The following SHANK2 variants were observed in gnomAD, a reference collection of about 807,000 sequenced individuals.
The protein encoded by SHANK2 is SH3 and multiple ankyrin repeat domains protein 2.
SHANK2 carries 43 observed loss-of-function variants against 133.7 expected under a neutral mutation model. The observed-to-expected ratio is 0.32, with a 90% CI of 0.25 to 0.41. The LOEUF (loss-of-function observed/expected upper bound fraction) is 0.41. Ranked by LOEUF, SHANK2 falls within the 10% of genes least tolerant of loss-of-function variation. The pLI is 1.00. For synonymous variants in SHANK2, 1,017 were observed against 952.8 expected (o/e 1.07, Z -1.24); for missense variants, 1,994 against 2,235.8 (o/e 0.89, Z 2.18).
At chr11:70,509,331 T>C (rs782721348) in intron 17 of SHANK2, among the ~76,000 whole-genome samples, 1 of 152,234 alleles carries the variant, frequency 6.6e-6, no homozygotes, top group Non-Finnish European at 1.5e-5. Flanking sequence ...CAGACACTGA[T>C]TGGGCCACAG....
chr11:70,841,185 C>T (rs1400539730), intron 11 of SHANK2, among the ~76,000 whole-genome samples: 1 of 152,152 alleles, frequency 6.6e-6, no homozygotes, highest in Non-Finnish European at 1.5e-5. Context: ...GCAGGAGAAT[C>T]GCTTGAACCT....
intron 13 of SHANK2, among the ~76,000 whole-genome samples, chr11:70,800,024 GTTT>G (rs552326536): frequency 3.4e-5 from 5 of 148,200 alleles, no homozygotes; most frequent in Non-Finnish European, 7.5e-5. Flanking sequence ...ATATCTTAGG[GTTT>G]TTTTTTTGTT....
chr11:71,094,473 G>A, intron 7 of SHANK2, 64 bp downstream of exon 7: 1 of 1,491,286 alleles, frequency 6.7e-7, no homozygotes, highest in South Asian at 1.3e-5. Flanking sequence ...GCGGGGATGG[G>A]ATGGGGCAGC....
chr11:71,152,142 T>C (rs1354570247), intron 2 of SHANK2, among the ~76,000 whole-genome samples: 1 of 152,182 alleles, frequency 6.6e-6, no homozygotes, highest in Non-Finnish European at 1.5e-5. Context: ...AGACGGAGTC[T>C]CACTCTGTCG....
chr11:70,700,978 G>C (rs1014259011), intron 14 of SHANK2, among the ~76,000 whole-genome samples: 2 of 152,224 alleles, frequency 1.3e-5, no homozygotes, highest in African/African-American at 4.8e-5. Flanking sequence ...CACAGGGACT[G>C]GCTGTTAATT....
chr11:70,749,259 C>T (rs1206272101), intron 14 of SHANK2, among the ~76,000 whole-genome samples: 1 of 152,162 alleles, frequency 6.6e-6, no homozygotes, highest in Admixed American at 6.5e-5. Flanking sequence ...AAGGGAGTCC[C>T]CAGTTCTGGG....
intron 14 of SHANK2, among the ~76,000 whole-genome samples, chr11:70,790,711 T>C (rs1040753204): frequency 6.6e-6 from 1 of 152,184 alleles, no homozygotes; most frequent in East Asian, 1.9e-4. Context: ...TCTACATCTG[T>C]GTCTACGTCC....
At chr11:70,864,036 C>T (rs781797477) in intron 11 of SHANK2, 46 of 364,038 alleles carry the variant, frequency 1.3e-4, no homozygotes, top group Non-Finnish European at 2.3e-4. Flanking sequence ...CCTGGCCCCT[C>T]AGTCTCTACG....
intron 17 of SHANK2, among the ~76,000 whole-genome samples, chr11:70,628,458 T>A (rs980950435): frequency 1.3e-5 from 2 of 152,218 alleles, no homozygotes; most frequent in African/African-American, 2.4e-5. Flanking sequence ...AAAGTAAGCA[T>A]AGTCACTACT....
chr11:70,942,260 C>T (rs1171748560), intron 10 of SHANK2, among the ~76,000 whole-genome samples: 4 of 152,128 alleles, frequency 2.6e-5, no homozygotes, highest in East Asian at 3.9e-4. Flanking sequence ...TCAAGGGCAT[C>T]GCCTTGGCTT....
intron 10 of SHANK2, among the ~76,000 whole-genome samples, chr11:70,952,223 G>A (rs913229793): frequency 4.6e-5 from 7 of 152,154 alleles, no homozygotes; most frequent in Admixed American, 1.3e-4. Flanking sequence ...AGAGTGGGCC[G>A]GTTTCCTTGG....
rs141293538 is a variant in SHANK2 at position 70,729,831 on chromosome 11, C to T, written c.1778-31068G>A. ...TACAGGCTTGAGCCACCGTGCTTGG[C>T]CTGCACTGTGTACTTTAAAAATGGG... On this transcript the variant is annotated intron_variant, in intron 14 of 25. Transcript: ENST00000601538. Among the ~76,000 whole-genome samples the T allele has an allele frequency of 1.1e-4, 17 of 151,074 alleles. No individual in the cohort carries two copies. In the East Asian group the frequency reaches 3.3e-3, roughly 29 times the overall value.
rs2059057612 is a variant in SHANK2 at position 70,501,803 on chromosome 11, G to C, written c.2287+120C>G. ...GATCCCCGGAGGATGGAGCCTTCTGGTCTGAGCCACGTGGGGAGCAGCTCA... is the reference window on the plus strand; with the variant it reads ...GATCCCCGGAGGATGGAGCCTTCTGCTCTGAGCCACGTGGGGAGCAGCTCA... On this transcript the variant is annotated intron_variant, in intron 20 of 25. Transcript: ENST00000601538. 2.9e-6 allele frequency: 3 copies of C among 1,040,764 alleles called. No individual in the cohort carries two copies. The Admixed American group carries it at 6.3e-5, about 22-fold the overall frequency. 64.5% of individuals were successfully genotyped at this position (1,040,764 alleles called of 1,614,324 possible). A position where few individuals can be genotyped will look rare whatever the true frequency, so the allele number is the denominator to read the frequency against.
chr11:70,735,703 CAAA>C lies in SHANK2; in HGVS notation c.1778-36943_1778-36941del, dbSNP rs5792532. Among the ~76,000 whole-genome samples the C allele has an allele frequency of 9.9e-4, 106 of 107,108 alleles. 1 individual carries two copies. Among genetic ancestry groups the C allele is most frequent in the Middle Eastern group, 0.011 (2 of 174 alleles). The allele number at this position is 107,108 out of a possible 152,430, so 70.3% of individuals were successfully genotyped here. A position where few individuals can be genotyped will look rare whatever the true frequency, so the allele number is the denominator to read the frequency against. On this transcript the variant is annotated intron_variant, in intron 14 of 25. Coordinates refer to ENST00000601538, the MANE Select transcript of SHANK2 (RefSeq NM_012309.5). ...TGGGTGACAGGGTGAGACTCTGTCT[CAAA>C]AAAAAAAAAAAAAATGTGCAGAGGG...
chr11:70,661,932 G>A (rs992720147), intron 15 of SHANK2: 13 of 922,496 alleles, frequency 1.4e-5, no homozygotes, highest in Non-Finnish European at 2.0e-5. Context: ...CCAGCCGGAG[G>A]AAGGAGTCAT....
intron 17 of SHANK2, among the ~76,000 whole-genome samples, chr11:70,613,763 GTTTTT>G (rs57180024): frequency 8.1e-6 from 1 of 123,776 alleles, no homozygotes; most frequent in African/African-American, 3.1e-5. Flanking sequence ...AGGGGAACTT[GTTTTT>G]TTTTTTTTTT....
intron 10 of SHANK2, among the ~76,000 whole-genome samples, chr11:70,898,282 G>GCGCACACA (rs1555076083): frequency 1.5e-5 from 2 of 135,422 alleles, no homozygotes; most frequent in African/African-American, 2.8e-5. Flanking sequence ...ATACACACAC[G>GCGCACACA]CACACACACA....
chr11:70,693,137 C>G (rs1555021453), intron 15 of SHANK2, among the ~76,000 whole-genome samples: 3 of 152,204 alleles, frequency 2.0e-5, no homozygotes, highest in Non-Finnish European at 4.4e-5. Flanking sequence ...CCTCCACCAG[C>G]CCCAACCACC....
At chr11:70,860,819 A>G (rs3019837) in intron 11 of SHANK2, among the ~76,000 whole-genome samples, 127,884 of 152,192 alleles carry the variant, frequency 0.84, 54,271 homozygotes, top group South Asian at 0.95. Context: ...CCAGGTGTTC[A>G]AGACCAACCT....
Sources: gnomAD v4.1 joint callset for allele counts (sites outside exome capture counted in the v4.1 genomes callset) on GRCh38, gnomAD v4.1.1 for gene constraint, MANE v1.5 for transcripts, NCBI Gene and HGNC (gene_info 2026-07-23, HGNC 2026-07-21) for gene names.